The following LINGO1 variants were observed in gnomAD, a reference collection of about 807,000 sequenced individuals.
The protein encoded by LINGO1 is leucine-rich repeat and immunoglobulin-like domain-containing nogo receptor-interacting protein 1.
In LINGO1, 11 loss-of-function variants were observed where a neutral mutation model predicts 37.3. That is an observed-to-expected ratio of 0.29 (90% CI 0.19 to 0.49). The LOEUF (loss-of-function observed/expected upper bound fraction) is 0.49, where lower values mean the gene tolerates loss of function less well. Ranked by LOEUF, LINGO1 falls within the 20% of genes least tolerant of loss-of-function variation. The pLI, the probability that LINGO1 is intolerant of heterozygous loss-of-function variation, is 0.99. For missense variants in LINGO1, 585 were observed against 878.2 expected (o/e 0.67, Z 4.22); for synonymous variants, 387 against 403.0 (o/e 0.96, Z 0.48).
intron 1 of LINGO1, among the ~76,000 whole-genome samples, chr15:77,776,023 C>T (rs1443669499): frequency 6.6e-6 from 1 of 152,152 alleles, no homozygotes. Context: ...CCTCCATGGA[C>T]CCATATTACA....
At chr15:77,683,705 A>T (rs1451890751) in intron 2 of LINGO1, among the ~76,000 whole-genome samples, 3 of 152,200 alleles carry the variant, frequency 2.0e-5, no homozygotes, top group Non-Finnish European at 4.4e-5. Flanking sequence ...AAGGAAACAT[A>T]CCAGGCCAAC....
intron 1 of LINGO1, among the ~76,000 whole-genome samples, chr15:77,785,757 C>T (rs1036579817): frequency 6.6e-6 from 1 of 152,146 alleles, no homozygotes; most frequent in Admixed American, 6.5e-5. Flanking sequence ...TCCTCCCGAG[C>T]TCTAAGGACC....
intron 1 of LINGO1, among the ~76,000 whole-genome samples, chr15:77,776,526 A>AAAGCAGGAAGGCAGGAAAGCAGGAAGGC (rs1567577779): frequency 2.8e-5 from 1 of 35,754 alleles, no homozygotes; most frequent in African/African-American, 1.0e-4. Flanking sequence ...GGAAGGGAGG[A>AAAGCAGGAAGGCAGGAAAGCAGGAAGGC]AGGGAGGGAG....
chr15:77,631,154 G>A (rs1032207219), intron 1 of LINGO1, among the ~76,000 whole-genome samples: 1 of 152,228 alleles, frequency 6.6e-6, no homozygotes, highest in Admixed American at 6.5e-5. Context: ...CAGTGCTGAA[G>A]CCACTGGCAT....
At chr15:77,661,573 G>C (rs996573635) in intron 3 of LINGO1, among the ~76,000 whole-genome samples, 4 of 152,236 alleles carry the variant, frequency 2.6e-5, no homozygotes, top group Admixed American at 1.3e-4. Context: ...GACACTATCT[G>C]TTTCCTGGGT....
chr15:77,687,414 G>A (rs1469573244), intron 2 of LINGO1, among the ~76,000 whole-genome samples: 27 of 152,158 alleles, frequency 1.8e-4, no homozygotes, highest in Non-Finnish European at 4.4e-5. Flanking sequence ...CTTACCCAGG[G>A]CTTTGACAAT....
At chr15:77,749,801 T>C (rs1417858794) in intron 1 of LINGO1, among the ~76,000 whole-genome samples, 9 of 152,156 alleles carry the variant, frequency 5.9e-5, no homozygotes, top group Non-Finnish European at 1.5e-5. Flanking sequence ...TCTCTGCCAA[T>C]AAGCTGAGGG....
intron 3 of LINGO1, among the ~76,000 whole-genome samples, chr15:77,664,636 T>C (rs946656494): frequency 6.6e-6 from 1 of 152,156 alleles, no homozygotes; most frequent in Non-Finnish European, 1.5e-5. Context: ...GGAGGGCTCC[T>C]CCCAGCCTGA....
At chr15:77,647,528 G>A (rs2074660549) in intron 3 of LINGO1, among the ~76,000 whole-genome samples, 1 of 152,192 alleles carries the variant, frequency 6.6e-6, no homozygotes, top group African/African-American at 2.4e-5. Context: ...AGGTGTGAGT[G>A]TAGAGGGTGG....
chr15:77,689,696 C>T (rs977901693), intron 2 of LINGO1, among the ~76,000 whole-genome samples: 3 of 152,188 alleles, frequency 2.0e-5, no homozygotes, highest in South Asian at 2.1e-4. Flanking sequence ...ATTCCTACCC[C>T]GATTTCTTCT....
intron 2 of LINGO1, chr15:77,707,312 A>C (rs951295386): frequency 1.3e-5 from 2 of 152,240 alleles, no homozygotes; most frequent in South Asian, 2.1e-4. Context: ...GCTCCCCTGG[A>C]AAGTAGAAGC....
chr15:77,644,432 G>T (rs2074578390), intron 3 of LINGO1, among the ~76,000 whole-genome samples: 1 of 152,178 alleles, frequency 6.6e-6, no homozygotes, highest in South Asian at 2.1e-4. Context: ...GGTCGAGGAG[G>T]GGTACCCTGG....
Position 77,614,948 on chromosome 15 carries a change from C to G in LINGO1, c.959G>C (p.Gly320Ala), listed in dbSNP as rs993347507. 2 of 1,613,738 alleles carry G rather than the reference C, an allele frequency of 1.2e-6. No homozygotes were observed. The highest frequency in any genetic ancestry group is 2.7e-5 in the African/African-American group (2 of 74,894). ...GGGCTCCACCACGGCCAGCTGCCCG[C>G]CCACCAGCTGGATCTCCTGCAGCCG... is the stretch of plus-strand genomic sequence containing the variant. The part of the protein sequence containing the change: ...LLRLQEIQLV[G>A]GQLAVVEPYA... The change falls in exon 2 of 2, where the codon GGC becomes GCC. Residue 320 changes from glycine (G) to alanine (A), a missense_variant. Physicochemically the swap from Gly to Ala is moderately conservative, Grantham distance 60. This residue lies in a region of LINGO1 where 484 missense variants were observed against 735.0 expected (regional missense o/e 0.66). Transcript: ENST00000355300.
chr15:77,801,593 G>GTTT (rs11390259), intron 1 of LINGO1, among the ~76,000 whole-genome samples: 28 of 147,890 alleles, frequency 1.9e-4, no homozygotes, highest in South Asian at 2.2e-4. Flanking sequence ...GAGTTAATGG[G>GTTT]TTTTTTTTTT....
intron 1 of LINGO1, among the ~76,000 whole-genome samples, chr15:77,780,679 T>C (rs74680001): frequency 0.012 from 1,842 of 151,996 alleles, 35 homozygotes; most frequent in African/African-American, 0.042. Context: ...AGTAAGGAGG[T>C]AATTAAGGTT....
chr15:77,686,947 T>C (rs2075521255), intron 2 of LINGO1, among the ~76,000 whole-genome samples: 1 of 152,220 alleles, frequency 6.6e-6, no homozygotes, highest in African/African-American at 2.4e-5. Flanking sequence ...GTGCAGGGCC[T>C]GGCACAGGAG....
chr15:77,666,221 G>T (rs2075127644), intron 3 of LINGO1, among the ~76,000 whole-genome samples: 1 of 152,246 alleles, frequency 6.6e-6, no homozygotes, highest in African/African-American at 2.4e-5. Context: ...CCCTTTGAGT[G>T]GGTGTTCCTT....
intron 2 of LINGO1, among the ~76,000 whole-genome samples, chr15:77,732,613 G>A (rs2076164067): frequency 6.6e-6 from 1 of 152,216 alleles, no homozygotes; most frequent in Admixed American, 6.5e-5. Flanking sequence ...GGCTTCACAT[G>A]TGCAGTCCCG....
intron 1 of LINGO1, among the ~76,000 whole-genome samples, chr15:77,621,353 C>G (rs772323474): frequency 1.3e-5 from 2 of 152,214 alleles, no homozygotes; most frequent in Non-Finnish European, 2.9e-5. Context: ...CTGTGCCCAG[C>G]TGAGGTTTGG....
Sources: gnomAD v4.1 joint callset for allele counts (sites outside exome capture counted in the v4.1 genomes callset) on GRCh38, gnomAD v4.1.1 for gene constraint, gnomAD v4.1.1 regional missense constraint, MANE v1.5 for transcripts, NCBI Gene and HGNC (gene_info 2026-07-23, HGNC 2026-07-21) for gene names.